CHSY1: variants seen among roughly 807,000 people sequenced by gnomAD.
CHSY1 encodes chondroitin sulfate synthase 1.
CHSY1 carries 13 observed loss-of-function variants against 59.8 expected under a neutral mutation model. The observed-to-expected ratio is 0.22, with a 90% CI of 0.14 to 0.35. The LOEUF (loss-of-function observed/expected upper bound fraction) is 0.35, where lower values mean the gene tolerates loss of function less well. Ranked by LOEUF, CHSY1 falls within the 10% of genes least tolerant of loss-of-function variation. The pLI is 1.00. For synonymous variants in CHSY1, 459 were observed against 401.2 expected (o/e 1.14, Z -1.72); for missense variants, 947 against 1,030.6 (o/e 0.92, Z 1.11).
In CHSY1 at chr15:101,178,484, C is replaced by T. The variant is rs558029205; in HGVS notation, c.1313G>A (p.Arg438Gln). 44 of 1,614,216 alleles carry T rather than the reference C, an allele frequency of 2.7e-5. No homozygotes were observed. The highest frequency in any genetic ancestry group is 3.4e-5 in the Non-Finnish European group (40 of 1,180,056). The change falls in exon 3 of 3, where the codon CGG becomes CAG. Residue 438 changes from arginine to glutamine, a missense_variant. By Grantham distance (43) the Arg-to-Gln change is conservative. Coordinates refer to ENST00000254190, the MANE Select transcript of CHSY1 (RefSeq NM_014918.5). Reference protein sequence around the residue: ...DFKEIQYGYRRVNPMYGAEYI... With the variant: ...DFKEIQYGYRQVNPMYGAEYI... ...CTCAGCCCCATACATGGGGTTCACC[C>T]GGCGGTAGCCGTACTGGATCTCTTT...
intron 2 of CHSY1, among the ~76,000 whole-genome samples, chr15:101,195,911 C>T (rs1250886057): frequency 2.6e-5 from 4 of 150,960 alleles, no homozygotes; most frequent in Non-Finnish European, 4.4e-5. Flanking sequence ...TACATAGTGT[C>T]GACACCCCAG....
intron 1 of CHSY1, among the ~76,000 whole-genome samples, chr15:101,238,688 A>C (rs2038971857): frequency 6.6e-6 from 1 of 152,244 alleles, no homozygotes; most frequent in Admixed American, 6.5e-5. Flanking sequence ...CTATGGATTT[A>C]AAATGGACCT....
rs1258629866 is a variant in CHSY1, at chr15:101,251,393, G to A, written c.64C>T (p.Leu22=). The change falls in exon 1 of 3, where the codon CTG becomes TTG. Residue 22 remains leucine, a synonymous_variant. Coordinates refer to ENST00000254190, the MANE Select transcript of CHSY1 (RefSeq NM_014918.5). ...CGGGGCAGGACGAGCCGCGAGGCCA[G>A]CACGAAGCCCAGGACGAGCCCGAGC... ...VLLGLVLGFV[L]ASRLVLPRAS... is the part of the protein sequence containing the mutation. 8.6e-7 allele frequency: 1 copy of A among 1,168,382 alleles called. No individual in the cohort carries two copies. Among genetic ancestry groups the A allele is most frequent in the Non-Finnish European group, 1.1e-6 (1 of 927,098 alleles). 72.4% of individuals were successfully genotyped at this position (1,168,382 alleles called of 1,614,324 possible).
At chr15:101,244,934 G>GA (rs1452620014) in intron 1 of CHSY1, among the ~76,000 whole-genome samples, 2 of 152,038 alleles carry the variant, frequency 1.3e-5, no homozygotes, top group South Asian at 2.1e-4. Context: ...AATTCCTTTG[G>GA]AAAAAATTCT....
At chr15:101,250,271 C>T (rs755254267) in intron 1 of CHSY1, among the ~76,000 whole-genome samples, 4 of 152,232 alleles carry the variant, frequency 2.6e-5, no homozygotes, top group African/African-American at 4.8e-5. Flanking sequence ...ATACTTCACA[C>T]ATATAGGGTT....
At position 101,235,282 on chromosome 15, in the gene CHSY1, C is replaced by A; in HGVS notation, c.616G>T (p.Glu206Ter). ...GGCTCCAGGGCCAGTTTTCCCATTT[C>A]TTCCGTGGTGCCCAGGCCTGTCTGC... ...LGQTGLGTTE[E>*]MGKLALEPGE... Residue 206 changes from glutamate to a stop codon, truncating the protein, a stop_gained, in exon 2 of 3, where the codon GAA becomes TAA. Coordinates refer to ENST00000254190, the MANE Select transcript of CHSY1 (RefSeq NM_014918.5). LOFTEE classifies it high-confidence loss of function. 1 of 1,614,222 alleles carries A rather than the reference C, an allele frequency of 6.2e-7. No individual in the cohort carries two copies. The highest frequency in any genetic ancestry group is 8.5e-7 in the Non-Finnish European group (1 of 1,180,046).
chr15:101,183,371 T>C (rs1276569035), intron 2 of CHSY1, among the ~76,000 whole-genome samples: 2 of 152,050 alleles, frequency 1.3e-5, no homozygotes, highest in African/African-American at 4.8e-5. Flanking sequence ...AAAGGGCATA[T>C]ACAAATAATC....
At chr15:101,208,243 C>T (rs2038647305) in intron 2 of CHSY1, among the ~76,000 whole-genome samples, 1 of 152,170 alleles carries the variant, frequency 6.6e-6, no homozygotes, top group African/African-American at 2.4e-5. Flanking sequence ...CCAACACCCA[C>T]AGCAACGAGC....
At chr15:101,234,695 C>T (rs560114378) in intron 2 of CHSY1, among the ~76,000 whole-genome samples, 5 of 152,280 alleles carry the variant, frequency 3.3e-5, no homozygotes, top group Admixed American at 6.5e-5. Flanking sequence ...GGTGAAACCT[C>T]GTCTCTACTA....
intron 2 of CHSY1, among the ~76,000 whole-genome samples, chr15:101,186,956 G>C (rs1479955883): frequency 6.6e-6 from 1 of 152,196 alleles, no homozygotes; most frequent in Non-Finnish European, 1.5e-5. Context: ...CTGAAGCCCA[G>C]CTCTGACATT....
At chr15:101,204,761 T>C (rs2038608177) in intron 2 of CHSY1, among the ~76,000 whole-genome samples, 1 of 151,934 alleles carries the variant, frequency 6.6e-6, no homozygotes, top group African/African-American at 2.4e-5. Flanking sequence ...AAAAATTAGC[T>C]GGGGATGGTG....
chr15:101,181,133 C>A (rs1277720212), intron 2 of CHSY1, among the ~76,000 whole-genome samples: 1 of 152,212 alleles, frequency 6.6e-6, no homozygotes, highest in East Asian at 1.9e-4. Context: ...CCAAGGCCAG[C>A]CTTTGTAACG....
In CHSY1 at chr15:101,246,819, A is replaced by G. The variant is rs1206960022; in HGVS notation, c.320+4318T>C. Among the ~76,000 whole-genome samples, 3 of 152,376 alleles carry G rather than the reference A, an allele frequency of 2.0e-5. No individual in the cohort carries two copies. In the East Asian group the frequency reaches 5.8e-4, roughly 29 times the overall value. ...ACTAAAATCAGAAAGGGAAAGACAT[A>G]GACTGAACTACATGAACATTTCCCT... On this transcript the variant is annotated intron_variant, in intron 1 of 2. Transcript: ENST00000254190.
chr15:101,232,380 A>G (rs1190416355), intron 2 of CHSY1, among the ~76,000 whole-genome samples: 1 of 152,262 alleles, frequency 6.6e-6, no homozygotes, highest in East Asian at 1.9e-4. Context: ...TGATAAACCT[A>G]ATAACAACTT....
At chr15:101,227,736 T>C (rs1013313487) in intron 2 of CHSY1, among the ~76,000 whole-genome samples, 5 of 152,146 alleles carry the variant, frequency 3.3e-5, no homozygotes, top group African/African-American at 1.2e-4. Flanking sequence ...CACCAACAGG[T>C]ATACAAGAGA....
In CHSY1 at chr15:101,178,639, C is replaced by G; in HGVS notation, c.1158G>C (p.Ser386=). The change falls in exon 3 of 3, where the codon TCG becomes TCC. Residue 386 remains serine (S), a synonymous_variant. Coordinates refer to ENST00000254190, the MANE Select transcript of CHSY1 (RefSeq NM_014918.5). ...WEFLTGKYLY[S]AVDGQPPRRG... is the part of the protein sequence containing the mutation. ...TTCGAGGGGGCTGGCCGTCAACTGC[C>G]GAATACAAGTATTTTCCAGTCAGAA... The G allele has an allele frequency of 6.2e-7, 1 of 1,614,198 alleles. No homozygotes were observed. Among genetic ancestry groups the G allele is most frequent in the Non-Finnish European group, 8.5e-7 (1 of 1,180,046 alleles).
At chr15:101,237,771 A>G (rs560385878) in intron 1 of CHSY1, among the ~76,000 whole-genome samples, 2 of 152,370 alleles carry the variant, frequency 1.3e-5, no homozygotes, top group East Asian at 1.9e-4. Context: ...TTTGGCTATA[A>G]TAATTCATTC....
intron 2 of CHSY1, among the ~76,000 whole-genome samples, chr15:101,231,342 G>A (rs551300336): frequency 6.6e-6 from 1 of 152,336 alleles, no homozygotes; most frequent in African/African-American, 2.4e-5. Flanking sequence ...TGTAAACGGG[G>A]AGAGAAGTAG....
chr15:101,197,604 A>G (rs935634027), intron 2 of CHSY1, among the ~76,000 whole-genome samples: 1 of 152,176 alleles, frequency 6.6e-6, no homozygotes, highest in African/African-American at 2.4e-5. Flanking sequence ...CATTTATATA[A>G]TGTTAAATTA....
Sources: gnomAD v4.1 joint callset for allele counts (sites outside exome capture counted in the v4.1 genomes callset) on GRCh38, gnomAD v4.1.1 for gene constraint, MANE v1.5 for transcripts, NCBI Gene and HGNC (gene_info 2026-07-23, HGNC 2026-07-21) for gene names.